DCDC1: variants seen among roughly 807,000 people sequenced by gnomAD.
DCDC1 encodes the protein doublecortin domain containing 1.
DCDC1 carries 200 observed loss-of-function variants against 178.3 expected under a neutral mutation model. That is an observed-to-expected ratio of 1.12 (90% CI 1.00 to 1.26). The LOEUF is 1.26. Ranked by LOEUF, DCDC1 falls within the 50% of genes most tolerant of loss-of-function variation. DCDC1 has a pLI of 0.00. For missense variants in DCDC1, 1,983 were observed against 1,749.2 expected (o/e 1.13, Z -2.38); for synonymous variants, 690 against 604.8 (o/e 1.14, Z -2.07).
intron 9 of DCDC1, among the ~76,000 whole-genome samples, chr11:31,182,756 A>G (rs998306654): frequency 1.3e-5 from 2 of 152,194 alleles, no homozygotes; most frequent in African/African-American, 4.8e-5. Context: ...AAGAATATTA[A>G]CCTTAAATGT....
At chr11:31,095,187 T>C (rs1050612841) in intron 15 of DCDC1, among the ~76,000 whole-genome samples, 5 of 152,184 alleles carry the variant, frequency 3.3e-5, no homozygotes, top group African/African-American at 4.8e-5. Flanking sequence ...CAGTCTATCA[T>C]TGATGGGCAT....
At chr11:30,965,011 GACT>G (rs1219736057) in intron 20 of DCDC1, among the ~76,000 whole-genome samples, 6 of 152,132 alleles carry the variant, frequency 3.9e-5, no homozygotes, top group African/African-American at 1.4e-4. Context: ...ACTTCCAGAG[GACT>G]GCCAAACAGA....
At position 31,094,129 on chromosome 11, in the gene DCDC1, G is replaced by A; in HGVS notation, c.2039C>T (p.Ser680Leu). 5.2e-6 allele frequency: 4 copies of A among 766,210 alleles called. No homozygotes were observed. Among genetic ancestry groups the A allele is most frequent in the Non-Finnish European group, 9.6e-6 (4 of 417,804 alleles). 47.5% of individuals were successfully genotyped at this position (766,210 alleles called of 1,614,324 possible). A position where few individuals can be genotyped will look rare whatever the true frequency, so the allele number is the denominator to read the frequency against. Residue 680 changes from serine (S) to leucine (L), a missense_variant, in exon 16 of 39, where the codon TCA (serine) becomes TTA (leucine). Transcript: ENST00000684477. ...ASVSIGKWSF[S>L]GSEASSRSQI... The stretch of plus-strand genomic sequence containing the variant: ...ACTCCTGCTGCTTGCTTCACTGCCT[G>A]AGAAACTCCACTTTCCAATGGAAAC...
intron 9 of DCDC1, among the ~76,000 whole-genome samples, chr11:31,213,121 CTCTCTCT>C (rs1565442100): frequency 8.1e-6 from 1 of 123,078 alleles, no homozygotes; most frequent in Admixed American, 8.8e-5. Context: ...CTCTCTCTCT[CTCTCTCT>C]CTCTCTCTCT....
chr11:30,933,612 A>AT (rs1271370288), intron 21 of DCDC1, among the ~76,000 whole-genome samples: 1 of 152,138 alleles, frequency 6.6e-6, no homozygotes, highest in Non-Finnish European at 1.5e-5. Flanking sequence ...TTAACATGTA[A>AT]TTTTCAGTTG....
chr11:31,301,639 C>A (rs895865201), intron 6 of DCDC1, among the ~76,000 whole-genome samples: 9 of 152,006 alleles, frequency 5.9e-5, no homozygotes, highest in African/African-American at 2.2e-4. Flanking sequence ...TCATTATGGA[C>A]GCAGATATGA....
At chr11:31,125,453 C>T (rs969230874) in intron 11 of DCDC1, among the ~76,000 whole-genome samples, 2 of 152,128 alleles carry the variant, frequency 1.3e-5, no homozygotes, top group Non-Finnish European at 2.9e-5. Context: ...ATAAATCATT[C>T]TCTTATAAAG....
chr11:31,110,337 C>T lies in DCDC1; in HGVS notation c.1510G>A (p.Gly504Arg), dbSNP rs1259181821. ...TTACTGATACCAACAGAGATCTCTC[C>T]AGTGTTTTTACCATTTTCAAATACC... The part of the protein sequence containing the change: ...LKVFENGKNT[G>R]EISVGISKKD... The change falls in exon 12 of 39, where the codon GGA (glycine) becomes AGA (arginine). Residue 504 changes from glycine to arginine, a missense_variant. Transcript: ENST00000684477. The T allele has an allele frequency of 5.7e-6, 4 of 704,250 alleles. No individual in the cohort carries two copies. The East Asian group carries it at 1.1e-4, about 19-fold the overall frequency. 43.6% of individuals were successfully genotyped at this position (704,250 alleles called of 1,614,324 possible).
intron 7 of DCDC1, among the ~76,000 whole-genome samples, chr11:31,285,642 T>A (rs2137332177): frequency 6.6e-6 from 1 of 152,240 alleles, no homozygotes; most frequent in African/African-American, 2.4e-5. Context: ...GTTTTTTTAT[T>A]AATAAATGGT....
chr11:31,206,407 G>GTGTT (rs756778116), intron 9 of DCDC1, among the ~76,000 whole-genome samples: 6 of 151,790 alleles, frequency 4.0e-5, no homozygotes, highest in South Asian at 2.1e-4. Context: ...ATGGATTTCT[G>GTGTT]TGTTTGTTTG....
At position 31,360,633 on chromosome 11, in the gene DCDC1, T is replaced by G. The variant is rs553106061; in HGVS notation, c.-125+9064A>C. 2.6e-5 allele frequency among the ~76,000 whole-genome samples: 4 copies of G among 152,272 alleles called. No individual in the cohort carries two copies. The East Asian group carries it at 7.7e-4, about 29-fold the overall frequency. On this transcript the variant is annotated intron_variant, in intron 1 of 38. Transcript: ENST00000684477. ...TATCTCATTTTACAATACTTACCTA[T>G]TTTCAAACTGCAGGTAACCATGGTT...
chr11:31,244,098 A>G (rs1007234691), intron 8 of DCDC1, among the ~76,000 whole-genome samples: 4 of 151,844 alleles, frequency 2.6e-5, no homozygotes, highest in African/African-American at 7.2e-5. Context: ...TAAGTACTTA[A>G]AAATGATGTA....
At chr11:31,332,698 T>C (rs1950060715) in intron 2 of DCDC1, among the ~76,000 whole-genome samples, 2 of 152,124 alleles carry the variant, frequency 1.3e-5, no homozygotes, top group African/African-American at 2.4e-5. Context: ...TTTGAGTGAG[T>C]TTCTTAATCT....
chr11:31,212,310 A>AC (rs1411832341), intron 9 of DCDC1, among the ~76,000 whole-genome samples: 10 of 151,810 alleles, frequency 6.6e-5, no homozygotes, highest in Admixed American at 2.6e-4. Context: ...ATTAAAAAAA[A>AC]CAAGAAACTA....
At chr11:31,267,896 C>A (rs1000118575) in intron 7 of DCDC1, among the ~76,000 whole-genome samples, 1 of 152,148 alleles carries the variant, frequency 6.6e-6, no homozygotes, top group Non-Finnish European at 1.5e-5. Flanking sequence ...GTCTGACTGG[C>A]AAAATTCTCC....
chr11:31,212,942 G>C (rs1476797742), intron 9 of DCDC1, among the ~76,000 whole-genome samples: 3 of 152,096 alleles, frequency 2.0e-5, no homozygotes, highest in African/African-American at 7.2e-5. Context: ...TGGTAAACCT[G>C]TGTACTACGT....
At chr11:31,209,269 T>A (rs11031311) in intron 9 of DCDC1, among the ~76,000 whole-genome samples, 12 of 152,108 alleles carry the variant, frequency 7.9e-5, no homozygotes, top group African/African-American at 2.9e-4. Flanking sequence ...TGGACTTAAA[T>A]AAGTTAAGTA....
chr11:31,283,665 T>C (rs1946612824), intron 7 of DCDC1, among the ~76,000 whole-genome samples: 1 of 152,232 alleles, frequency 6.6e-6, no homozygotes, highest in African/African-American at 2.4e-5. Context: ...AATGCAAATG[T>C]CTCCTTACCC....
In DCDC1 at chr11:31,046,482, T is replaced by G. The variant is rs1473262896; in HGVS notation, c.2591+17987A>C. On this transcript the variant is annotated intron_variant, in intron 20 of 38. Coordinates refer to ENST00000684477, the MANE Select transcript of DCDC1 (RefSeq NM_001387274.1). ...CAACTTATTTTGAAACACTGAAAAT[T>G]TTTTATACTGTCAAATTTCCAGTGG... Among the ~76,000 whole-genome samples the G allele has an allele frequency of 2.0e-5, 3 of 152,082 alleles. No individual in the cohort carries two copies. The East Asian group carries it at 5.8e-4, about 29-fold the overall frequency.
Sources: allele counts gnomAD v4.1 joint callset (sites outside exome capture counted in the v4.1 genomes callset), GRCh38; gene constraint gnomAD v4.1.1; transcripts MANE v1.5; gene names NCBI Gene and HGNC (gene_info 2026-07-23, HGNC 2026-07-21).